GNAI3: variants seen among roughly 807,000 people sequenced by gnomAD.
GNAI3 encodes the protein G protein subunit alpha i3, also known as guanine nucleotide-binding protein G(i) subunit alpha-3.
A neutral mutation model predicts 41.8 loss-of-function variants in GNAI3; 12 were observed. The ratio of observed to expected loss-of-function variants is 0.29; its 90% CI spans 0.18 to 0.47. GNAI3 has a LOEUF of 0.47. Among genes scored for constraint, GNAI3 ranks in the 20% least tolerant of loss-of-function variants. The pLI is 1.00. For synonymous variants in GNAI3, 132 were observed against 146.5 expected (o/e 0.90, Z 0.71); for missense variants, 360 against 429.6 (o/e 0.84, Z 1.43).
At chr1:109,584,014 T>C (rs1648962640) in intron 5 of GNAI3, among the ~76,000 whole-genome samples, 1 of 152,326 alleles carries the variant, frequency 6.6e-6, no homozygotes, top group East Asian at 1.9e-4. Flanking sequence ...GGAGTAAACT[T>C]TTCCCCTTCA....
intron 7 of GNAI3, among the ~76,000 whole-genome samples, 153 bp from the exon 8 acceptor site, chr1:109,591,890 T>G (rs1207894682): frequency 6.6e-6 from 1 of 152,236 alleles, no homozygotes; most frequent in Non-Finnish European, 1.5e-5. Flanking sequence ...AGAACCTAAT[T>G]ATAGAAACAC....
rs751533732 is a variant in GNAI3, at chr1:109,582,949, G to A, written c.590+384G>A. 2.0e-4 allele frequency among the ~76,000 whole-genome samples: 31 copies of A among 151,602 alleles called. No homozygotes were observed. In the Middle Eastern group the frequency reaches 0.01, roughly 50 times the overall value. On this transcript the variant is annotated intron_variant, in intron 5 of 8. Coordinates refer to ENST00000369851, the MANE Select transcript of GNAI3 (RefSeq NM_006496.4). ...AACTTATGAAAACCAGTTTTTTTTC[G>A]GTTAGTTACATGGTTTTGTTTTGCC...
At position 109,595,803 on chromosome 1, in the gene GNAI3, A is replaced by T; in HGVS notation, c.*3481A>T. On this transcript the variant is annotated 3_prime_UTR_variant, in exon 9 of 9. Coordinates refer to ENST00000369851, the MANE Select transcript of GNAI3 (RefSeq NM_006496.4). ...CTCTTGTTCCTATTAAAAAGCTACC[A>T]TTGATTATTTTCCCTTTTTACATGT... 6.6e-6 allele frequency: 1 copy of T among 150,938 alleles called. No individual in the cohort carries two copies. Among genetic ancestry groups the T allele is most frequent in the East Asian group, 1.9e-4 (1 of 5,164 alleles). The allele number at this position is 150,938 out of a possible 1,614,324, so 9.3% of individuals were successfully genotyped here.
Position 109,595,970 on chromosome 1 carries a change from T to C in GNAI3, c.*3648T>C, listed in dbSNP as rs1009802764. 4 of 152,252 alleles carry C rather than the reference T, an allele frequency of 2.6e-5. No individual in the cohort carries two copies. Among genetic ancestry groups the C allele is most frequent in the African/African-American group, 9.6e-5 (4 of 41,468 alleles). 9.4% of individuals were successfully genotyped at this position (152,252 alleles called of 1,614,324 possible). On this transcript the variant is annotated 3_prime_UTR_variant, in exon 9 of 9. Coordinates refer to ENST00000369851, the MANE Select transcript of GNAI3 (RefSeq NM_006496.4). ...AAGAGCAATGATCTTAGTTTGCCAG[T>C]GCCAGGTAATTATTGTGTTCTACTT...
chr1:109,583,725 T>G (rs1186943305), intron 5 of GNAI3, among the ~76,000 whole-genome samples: 1 of 151,504 alleles, frequency 6.6e-6, no homozygotes, highest in African/African-American at 2.4e-5. Context: ...GGAGTACAGG[T>G]GCGTTGCACC....
chr1:109,577,142 T>C (rs926234797), intron 3 of GNAI3, among the ~76,000 whole-genome samples: 3 of 152,096 alleles, frequency 2.0e-5, no homozygotes, highest in Middle Eastern at 3.4e-3. Flanking sequence ...ACCTTGCATA[T>C]GTACAAGGAC....
Position 109,548,717 on chromosome 1 carries a change from C to A in GNAI3, c.-4C>A, listed in dbSNP as rs3814308. The A allele has an allele frequency of 2.5e-6, 4 of 1,607,254 alleles. No individual in the cohort carries two copies. The highest frequency in any genetic ancestry group is 2.2e-5 in the South Asian group (2 of 90,690). ...GGGCCCGTGTCCCCTCTCCCGCCGCCGCCATGGGCTGCACGTTGAGCGCCG... is the reference window on the plus strand; with the variant it reads ...GGGCCCGTGTCCCCTCTCCCGCCGCAGCCATGGGCTGCACGTTGAGCGCCG... On this transcript the variant is annotated 5_prime_UTR_variant, in exon 1 of 9. Transcript: ENST00000369851.
chr1:109,550,569 T>C (rs1206638560), intron 1 of GNAI3, among the ~76,000 whole-genome samples: 4 of 152,000 alleles, frequency 2.6e-5, no homozygotes, highest in African/African-American at 9.7e-5. Context: ...AGTCTCCCTC[T>C]GTTGCCTAGG....
At chr1:109,559,072 G>A (rs1648238526) in intron 1 of GNAI3, among the ~76,000 whole-genome samples, 1 of 152,044 alleles carries the variant, frequency 6.6e-6, no homozygotes, top group Non-Finnish European at 1.5e-5. Context: ...CAGCCACTTA[G>A]GAGGCTGAGG....
At chr1:109,576,580 G>A (rs1194984313) in intron 3 of GNAI3, among the ~76,000 whole-genome samples, 1 of 150,368 alleles carries the variant, frequency 6.7e-6, no homozygotes, top group Non-Finnish European at 1.5e-5. Context: ...GTGCAATGGT[G>A]TGACCTTGGC....
At chr1:109,578,347 G>A (rs1020324716) in intron 3 of GNAI3, among the ~76,000 whole-genome samples, 2 of 151,814 alleles carry the variant, frequency 1.3e-5, no homozygotes, top group African/African-American at 4.8e-5. Context: ...GCAGATGCCT[G>A]TAATCCCAGC....
chr1:109,577,318 C>T (rs1276588461), intron 3 of GNAI3, among the ~76,000 whole-genome samples: 1 of 148,748 alleles, frequency 6.7e-6, no homozygotes, highest in African/African-American at 2.5e-5. Flanking sequence ...GCTCTGTCGC[C>T]CAGGCTAGAG....
chr1:109,587,988 T>C (rs373476208), intron 7 of GNAI3, among the ~76,000 whole-genome samples: 2 of 152,216 alleles, frequency 1.3e-5, no homozygotes, highest in East Asian at 3.9e-4. Flanking sequence ...CTCTCCTCTC[T>C]GTGTATCTTT....
intron 5 of GNAI3, among the ~76,000 whole-genome samples, chr1:109,585,560 T>C (rs995887678): frequency 5.3e-5 from 8 of 152,080 alleles, no homozygotes; most frequent in African/African-American, 1.7e-4. Context: ...GAAAACAAAC[T>C]TAATAGGGAG....
chr1:109,586,449 T>G, intron 6 of GNAI3, 104 bp downstream of exon 6: 1 of 1,144,268 alleles, frequency 8.7e-7, no homozygotes, highest in Non-Finnish European at 1.3e-6. Context: ...CAACCAAAAC[T>G]TAGTATCTTT....
In GNAI3 at chr1:109,599,957, C is replaced by T. The variant is rs1226347136; in HGVS notation, c.*7635C>T. On this transcript the variant is annotated 3_prime_UTR_variant, in exon 9 of 9. Coordinates refer to ENST00000369851, the MANE Select transcript of GNAI3 (RefSeq NM_006496.4). ...TCTGGAGTTCTAGTTCTGCTACTGC[C>T]TAGCGTTGTGATCTTGATGAAGATA... The T allele has an allele frequency of 6.6e-6, 1 of 152,128 alleles. No homozygotes were observed. The highest frequency in any genetic ancestry group is 2.4e-5 in the African/African-American group (1 of 41,432). The allele number at this position is 152,128 out of a possible 1,614,324, so 9.4% of individuals were successfully genotyped here.
intron 2 of GNAI3, 34 bp from the exon 3 acceptor site, chr1:109,573,862 A>G: frequency 6.2e-7 from 1 of 1,606,774 alleles, no homozygotes; most frequent in Non-Finnish European, 8.5e-7. Flanking sequence ...TTTTAGGTCC[A>G]TGGTATTGAC....
intron 1 of GNAI3, among the ~76,000 whole-genome samples, chr1:109,572,584 C>T (rs61798349): frequency 1.3e-5 from 2 of 151,826 alleles, no homozygotes; most frequent in Non-Finnish European, 2.9e-5. Flanking sequence ...ATTGGATGTA[C>T]GAAATTGGAG....
chr1:109,548,662 A>T lies in GNAI3; in HGVS notation c.-59A>T, dbSNP rs577449640. ...CAATAGACGGTGCCTCAGCCTGCCGAGCCGCAGTTTCCGTGGTGTGAGTGA... is the reference window on the plus strand; with the variant it reads ...CAATAGACGGTGCCTCAGCCTGCCGTGCCGCAGTTTCCGTGGTGTGAGTGA... On this transcript the variant is annotated 5_prime_UTR_variant, in exon 1 of 9. Coordinates refer to ENST00000369851, the MANE Select transcript of GNAI3 (RefSeq NM_006496.4). The T allele has an allele frequency of 8.1e-7, 1 of 1,240,792 alleles. No individual in the cohort carries two copies. Among genetic ancestry groups the T allele is most frequent in the East Asian group, 2.3e-5 (1 of 42,564 alleles). 76.9% of individuals were successfully genotyped at this position (1,240,792 alleles called of 1,614,324 possible).
Sources: allele counts gnomAD v4.1 joint callset (sites outside exome capture counted in the v4.1 genomes callset), GRCh38; gene constraint gnomAD v4.1.1; transcripts MANE v1.5; gene names NCBI Gene and HGNC (gene_info 2026-07-23, HGNC 2026-07-21).